GRIN2A: variants seen among roughly 807,000 people sequenced by gnomAD.
GRIN2A encodes glutamate receptor ionotropic, NMDA 2A.
GRIN2A carries 22 observed loss-of-function variants against 113.4 expected under a neutral mutation model. The observed-to-expected ratio is 0.19, with a 90% confidence interval of 0.14 to 0.28. The LOEUF (loss-of-function observed/expected upper bound fraction) is 0.28. Among genes scored for constraint, GRIN2A ranks in the 10% least tolerant of loss-of-function variants. The pLI is 1.00. For synonymous variants in GRIN2A, 827 were observed against 738.4 expected, an observed-to-expected ratio of 1.12 and a Z score of -1.94; for missense variants, 1,502 against 1,887.0, an observed-to-expected ratio of 0.80 and a Z score of 3.78.
intron 2 of GRIN2A, among the ~76,000 whole-genome samples, chr16:10,029,518 A>T (rs1037293181): frequency 9.3e-4 from 141 of 152,048 alleles, no homozygotes; most frequent in African/African-American, 2.9e-3. Flanking sequence ...ACAGTATTTT[A>T]AAAAAAAGAA....
At chr16:10,026,802 A>T (rs2046831217) in intron 2 of GRIN2A, among the ~76,000 whole-genome samples, 2 of 152,132 alleles carry the variant, frequency 1.3e-5, no homozygotes, top group Admixed American at 1.3e-4. Context: ...ACCCCAAAAC[A>T]ATGCAGAACT....
chr16:9,920,060 A>G (rs1301442123), intron 3 of GRIN2A, among the ~76,000 whole-genome samples: 3 of 152,296 alleles, frequency 2.0e-5, no homozygotes, highest in Middle Eastern at 3.4e-3. Flanking sequence ...CATTGCCTGT[A>G]TTCATTTATT....
chr16:9,881,764 C>T (rs1017897831), intron 4 of GRIN2A, among the ~76,000 whole-genome samples: 1 of 152,150 alleles, frequency 6.6e-6, no homozygotes. Context: ...GAATTCATGG[C>T]TTTACCAATG....
At chr16:9,797,129 T>C (rs1284803354) in intron 11 of GRIN2A, among the ~76,000 whole-genome samples, 1 of 152,238 alleles carries the variant, frequency 6.6e-6, no homozygotes, top group African/African-American at 2.4e-5. Flanking sequence ...TATTTTGATA[T>C]TGCATTTCAC....
intron 3 of GRIN2A, among the ~76,000 whole-genome samples, chr16:9,896,568 T>C (rs2043811670): frequency 1.3e-5 from 2 of 152,218 alleles, no homozygotes; most frequent in African/African-American, 4.8e-5. Context: ...GAAATCCTCA[T>C]GCTTCAGATT....
intron 3 of GRIN2A, among the ~76,000 whole-genome samples, chr16:9,906,990 T>C (rs2044040351): frequency 6.6e-6 from 1 of 152,150 alleles, no homozygotes; most frequent in Non-Finnish European, 1.5e-5. Context: ...AATTTCTGTA[T>C]TTCTTGTAGA....
At chr16:10,100,715 C>G (rs1383789370) in intron 2 of GRIN2A, among the ~76,000 whole-genome samples, 7 of 152,182 alleles carry the variant, frequency 4.6e-5, no homozygotes, top group African/African-American at 1.4e-4. Flanking sequence ...GCATAGTGCC[C>G]CCCTGCTGGA....
intron 2 of GRIN2A, among the ~76,000 whole-genome samples, chr16:10,147,001 C>T (rs1169016181): frequency 1.3e-5 from 2 of 152,102 alleles, no homozygotes; most frequent in Non-Finnish European, 2.9e-5. Context: ...AAACTCAACC[C>T]TGGAGACCTG....
chr16:9,916,736 G>A (rs539393841), intron 3 of GRIN2A, among the ~76,000 whole-genome samples: 25 of 151,960 alleles, frequency 1.6e-4, no homozygotes, highest in Admixed American at 1.0e-3. Context: ...GTTCCTCCCC[G>A]CCACCCACAT....
intron 2 of GRIN2A, among the ~76,000 whole-genome samples, chr16:10,129,110 C>T (rs1025764938): frequency 6.6e-6 from 1 of 152,074 alleles, no homozygotes; most frequent in Non-Finnish European, 1.5e-5. Flanking sequence ...GGGTCTCGCT[C>T]TGTTGCCCAG....
intron 2 of GRIN2A, among the ~76,000 whole-genome samples, chr16:10,019,907 C>T (rs539108095): frequency 1.3e-5 from 2 of 152,228 alleles, no homozygotes; most frequent in Middle Eastern, 3.4e-3. Context: ...ATTTGTGAAG[C>T]GATTAGATCT....
At chr16:10,112,181 C>T (rs890097773) in intron 2 of GRIN2A, 2 of 585,734 alleles carry the variant, frequency 3.4e-6, no homozygotes, top group Non-Finnish European at 3.2e-6. Flanking sequence ...GGGTAGGCAT[C>T]AACGTCATAG....
chr16:9,833,389 A>G (rs554562912), intron 8 of GRIN2A, among the ~76,000 whole-genome samples: 1 of 152,338 alleles, frequency 6.6e-6, no homozygotes, highest in East Asian at 1.9e-4. Context: ...ACTAATGTAA[A>G]TTGATTCAGT....
At chr16:10,055,428 T>C (rs952731688) in intron 2 of GRIN2A, among the ~76,000 whole-genome samples, 2 of 152,230 alleles carry the variant, frequency 1.3e-5, no homozygotes, top group African/African-American at 4.8e-5. Context: ...CCACCATTGA[T>C]AAATCCTGGT....
intron 11 of GRIN2A, among the ~76,000 whole-genome samples, chr16:9,776,680 G>C (rs563806294): frequency 6.6e-6 from 1 of 152,192 alleles, no homozygotes; most frequent in South Asian, 2.1e-4. Context: ...ACGTCAGAAG[G>C]TTGTTGCTGC....
intron 2 of GRIN2A, among the ~76,000 whole-genome samples, chr16:10,141,146 TCGTGCCACTGCACTC>T (rs2049318908): frequency 1.3e-5 from 2 of 150,998 alleles, no homozygotes. Flanking sequence ...GTGAGCCAGA[TCGTGCCACTGCACTC>T]CATCTTAGGA....
chr16:9,949,390 A>G (rs1007411652), intron 2 of GRIN2A, among the ~76,000 whole-genome samples: 2 of 151,972 alleles, frequency 1.3e-5, no homozygotes, highest in Non-Finnish European at 2.9e-5. Context: ...AGATGGATGG[A>G]TGGATGGTCA....
At chr16:9,846,030 T>C (rs1474171089) in intron 5 of GRIN2A, among the ~76,000 whole-genome samples, 1 of 152,270 alleles carries the variant, frequency 6.6e-6, no homozygotes, top group Admixed American at 6.5e-5. Context: ...AATTTATTTA[T>C]AACAATTTTA....
chr16:9,918,213 A>G (rs992861288), intron 3 of GRIN2A, among the ~76,000 whole-genome samples: 2 of 152,194 alleles, frequency 1.3e-5, no homozygotes, highest in African/African-American at 4.8e-5. Flanking sequence ...TGGCAGAAAA[A>G]GCTGAAATTT....
Sources: allele counts gnomAD v4.1 joint callset (sites outside exome capture counted in the v4.1 genomes callset), GRCh38; gene constraint gnomAD v4.1.1; transcripts MANE v1.5; gene names NCBI Gene and HGNC (gene_info 2026-07-23, HGNC 2026-07-21).